Variants in RALGPS2 observed in about 807,000 individuals in gnomAD.
RALGPS2 encodes Ral GEF with PH domain and SH3 binding motif 2.
A neutral mutation model predicts 86.8 loss-of-function variants in RALGPS2; 43 were observed. That is an observed-to-expected ratio of 0.50 (90% CI 0.39 to 0.64). The LOEUF (loss-of-function observed/expected upper bound fraction) is 0.64, where lower values mean the gene tolerates loss of function less well. Among genes scored for constraint, RALGPS2 ranks in the 30% least tolerant of loss-of-function variants. The probability of loss-of-function intolerance (pLI) is 0.00; values close to 1 mark genes in which losing one functional copy is unlikely to be tolerated. For missense variants in RALGPS2, 536 were observed against 694.6 expected, an observed-to-expected ratio of 0.77 and a Z score of 2.57; for synonymous variants, 243 against 231.3, an observed-to-expected ratio of 1.05 and a Z score of -0.46.
At chr1:178,760,507 T>C (rs1227195914) in intron 1 of RALGPS2, among the ~76,000 whole-genome samples, 2 of 152,212 alleles carry the variant, frequency 1.3e-5, no homozygotes, top group Non-Finnish European at 2.9e-5. Flanking sequence ...ACCCCTGCTC[T>C]TTTTTGTGTT....
chr1:178,864,900 G>A (rs2102334700), intron 8 of RALGPS2: 2 of 1,184,114 alleles, frequency 1.7e-6, no homozygotes, highest in Non-Finnish European at 2.2e-6. Flanking sequence ...TGTTTCATAA[G>A]GCATAAAAAT....
At chr1:178,733,185 C>T (rs1014947919) in intron 1 of RALGPS2, among the ~76,000 whole-genome samples, 1 of 151,934 alleles carries the variant, frequency 6.6e-6, no homozygotes, top group South Asian at 2.1e-4. Context: ...GCTTTTTAAA[C>T]CAGGATGCAA....
chr1:178,865,501 G>A, intron 8 of RALGPS2: 1 of 1,614,064 alleles, frequency 6.2e-7, no homozygotes, highest in South Asian at 1.1e-5. Flanking sequence ...TCTGCCTGGA[G>A]AGCACATCCT....
chr1:178,806,216 TTC>T (rs1654732850), intron 4 of RALGPS2, among the ~76,000 whole-genome samples: 1 of 152,160 alleles, frequency 6.6e-6, no homozygotes, highest in South Asian at 2.1e-4. Context: ...AGAAGACAAA[TTC>T]TCTGAGATGT....
chr1:178,779,567 T>G (rs906430243), intron 2 of RALGPS2, among the ~76,000 whole-genome samples: 1 of 152,220 alleles, frequency 6.6e-6, no homozygotes, highest in African/African-American at 2.4e-5. Flanking sequence ...ATGAATTTTA[T>G]TAAGCATTTT....
At chr1:178,812,543 G>C (rs1258884386) in intron 6 of RALGPS2, among the ~76,000 whole-genome samples, 1 of 152,172 alleles carries the variant, frequency 6.6e-6, no homozygotes, top group Non-Finnish European at 1.5e-5. Flanking sequence ...CAGCTTTTCA[G>C]GGCTATATCT....
chr1:178,821,591 C>T, intron 6 of RALGPS2, 21 bp from the exon 7 acceptor site: 1 of 1,580,980 alleles, frequency 6.3e-7, no homozygotes, highest in Non-Finnish European at 8.6e-7. Context: ...CCCTCTCCCC[C>T]ATTTTTTTTC....
chr1:178,898,802 G>T (rs374366041), intron 17 of RALGPS2, among the ~76,000 whole-genome samples: 6 of 151,888 alleles, frequency 4.0e-5, no homozygotes, highest in African/African-American at 1.4e-4. Flanking sequence ...TTGAGTGAAG[G>T]ATCATGGAGA....
Position 178,918,487 on chromosome 1 carries a change from G to A in RALGPS2, c.*2128G>A, listed in dbSNP as rs1660881931. The A allele has an allele frequency of 6.6e-6, 1 of 152,076 alleles. No individual in the cohort carries two copies. Among genetic ancestry groups the A allele is most frequent in the Admixed American group, 6.5e-5 (1 of 15,268 alleles). The allele number at this position is 152,076 out of a possible 1,614,324, so 9.4% of individuals were successfully genotyped here. On this transcript the variant is annotated 3_prime_UTR_variant, in exon 20 of 20. Transcript: ENST00000367635. ...AATATGCAGTTGGAAGTCAGAGCCTGACATCACATAGTTTTGCCAAAGGGA... is the reference window on the plus strand; with the variant it reads ...AATATGCAGTTGGAAGTCAGAGCCTAACATCACATAGTTTTGCCAAAGGGA...
chr1:178,841,341 T>A (rs1656597389), intron 8 of RALGPS2, among the ~76,000 whole-genome samples: 1 of 149,000 alleles, frequency 6.7e-6, no homozygotes, highest in African/African-American at 2.5e-5. Flanking sequence ...CAAGGCTGGT[T>A]CAATATATGC....
At chr1:178,765,357 A>G (rs1223383745) in intron 1 of RALGPS2, among the ~76,000 whole-genome samples, 1 of 152,070 alleles carries the variant, frequency 6.6e-6, no homozygotes, top group East Asian at 1.9e-4. Flanking sequence ...GAGACTTCAC[A>G]TGTCGGCAGG....
At chr1:178,864,954 C>G (rs757294635) in intron 8 of RALGPS2, 1 of 1,444,734 alleles carries the variant, frequency 6.9e-7, no homozygotes, top group Non-Finnish European at 9.1e-7. Context: ...GGTAACTCAC[C>G]TTCATTGATG....
At chr1:178,865,525 G>C in intron 8 of RALGPS2, 1 of 1,614,076 alleles carries the variant, frequency 6.2e-7, no homozygotes, top group Non-Finnish European at 8.5e-7. Flanking sequence ...GGTTTTCAAG[G>C]TCCATCCTGG....
At chr1:178,881,767 A>C (rs749928044) in intron 10 of RALGPS2, among the ~76,000 whole-genome samples, 1 of 152,206 alleles carries the variant, frequency 6.6e-6, no homozygotes, top group African/African-American at 2.4e-5. Flanking sequence ...TGTTTTTCTA[A>C]AAATGCAGTG....
At chr1:178,788,262 G>A (rs1197154419) in intron 4 of RALGPS2, among the ~76,000 whole-genome samples, 1 of 152,104 alleles carries the variant, frequency 6.6e-6, no homozygotes, top group Admixed American at 6.5e-5. Context: ...TTTTACATTT[G>A]TGTTGTGATT....
intron 19 of RALGPS2, 141 bp downstream of exon 19, chr1:178,907,008 A>ATGTAGACCTTCATATCT: frequency 2.7e-6 from 2 of 743,846 alleles, no homozygotes; most frequent in Non-Finnish European, 4.4e-6. Flanking sequence ...AGTTAATAAG[A>ATGTAGACCTTCATATCT]TATGAAGGTC....
At chr1:178,764,169 T>C (rs1652387071) in intron 1 of RALGPS2, among the ~76,000 whole-genome samples, 1 of 152,232 alleles carries the variant, frequency 6.6e-6, no homozygotes, top group Non-Finnish European at 1.5e-5. Flanking sequence ...TGTGTATATA[T>C]TTAGAATAGT....
chr1:178,788,818 CTTTTCTTTTG>C (rs1219550762), intron 4 of RALGPS2, among the ~76,000 whole-genome samples: 2 of 141,934 alleles, frequency 1.4e-5, no homozygotes, highest in Non-Finnish European at 3.1e-5. Context: ...CTTTTCTTTT[CTTTTCTTTTG>C]TTTTCTTTCT....
intron 8 of RALGPS2, among the ~76,000 whole-genome samples, chr1:178,837,340 GTCT>G (rs1182625150): frequency 2.0e-5 from 3 of 152,106 alleles, no homozygotes; most frequent in Non-Finnish European, 2.9e-5. Context: ...AATTCATCAT[GTCT>G]TCTTCTTCCT....
Sources: allele counts gnomAD v4.1 joint callset (sites outside exome capture counted in the v4.1 genomes callset), GRCh38; gene constraint gnomAD v4.1.1; transcripts MANE v1.5; gene names NCBI Gene and HGNC (gene_info 2026-07-23, HGNC 2026-07-21).